The following HYDIN variants were observed in gnomAD, a reference collection of about 807,000 sequenced individuals.
HYDIN encodes the protein HYDIN axonemal central pair apparatus protein.
HYDIN carries 132 observed loss-of-function variants against 403.9 expected under a neutral mutation model. The observed-to-expected ratio is 0.33, with a 90% CI of 0.28 to 0.38. HYDIN has a LOEUF of 0.38. HYDIN is among the 10% of genes least tolerant of loss of function. The pLI is 1.00. For missense variants in HYDIN, 2,827 were observed against 5,009.5 expected (o/e 0.56, Z 13.15); for synonymous variants, 1,202 against 1,891.7 (o/e 0.64, Z 9.46).
chr16:70,961,818 C>T lies in HYDIN; in HGVS notation c.5968+141G>A, dbSNP rs866468512. ...TGTGAGTGGCAGATCAGAGCTTCTC[C>T]GGAGGGCAGCTGTGGTGGGCAGGGC... On this transcript the variant is annotated intron_variant, in intron 38 of 85. Transcript: ENST00000393567. 105 of 556,538 alleles carry T rather than the reference C, an allele frequency of 1.9e-4. 1 individual carries two copies. The South Asian group carries it at 2.5e-3, about 13-fold the overall frequency. The allele number at this position is 556,538 out of a possible 1,614,324, so 34.5% of individuals were successfully genotyped here.
chr16:71,046,633 G>A lies in HYDIN; in HGVS notation c.2529+13871C>T, dbSNP rs137954023. Reference sequence around the variant, plus strand: ...ACACTTCTTCAGTCTCTGTCCTTTCGTTTGTGACAGGGAAGAGAAAACGAA... The same window carrying A: ...ACACTTCTTCAGTCTCTGTCCTTTCATTTGTGACAGGGAAGAGAAAACGAA... On this transcript the variant is annotated intron_variant, in intron 18 of 85. Coordinates refer to ENST00000393567, the MANE Select transcript of HYDIN (RefSeq NM_001270974.2). Among the ~76,000 whole-genome samples the A allele has an allele frequency of 2.0e-4, 30 of 152,254 alleles. No individual in the cohort carries two copies. In the East Asian group the frequency reaches 2.9e-3, roughly 15 times the overall value.
At chr16:71,176,026 A>G (rs1369663455) in intron 4 of HYDIN, among the ~76,000 whole-genome samples, 1 of 151,468 alleles carries the variant, frequency 6.6e-6, no homozygotes, top group East Asian at 1.9e-4. Context: ...AGTGACTATC[A>G]GCCAGGCGCA....
intron 4 of HYDIN, among the ~76,000 whole-genome samples, chr16:71,176,786 A>G (rs944525896): frequency 4.6e-5 from 7 of 152,190 alleles, no homozygotes; most frequent in Non-Finnish European, 8.8e-5. Flanking sequence ...TTTTAACCCA[A>G]TTAAAATCAC....
intron 30 of HYDIN, among the ~76,000 whole-genome samples, chr16:70,977,834 A>C (rs1224443623): frequency 6.6e-6 from 1 of 151,274 alleles, no homozygotes; most frequent in Non-Finnish European, 1.5e-5. Flanking sequence ...CATGCTCCTG[A>C]CTTTTCCAGA....
intron 1 of HYDIN, among the ~76,000 whole-genome samples, chr16:71,229,249 T>C (rs1341563127): frequency 6.6e-6 from 1 of 152,084 alleles, no homozygotes; most frequent in Non-Finnish European, 1.5e-5. Flanking sequence ...GGCACATGTA[T>C]ACATATGTAA....
intron 23 of HYDIN, among the ~76,000 whole-genome samples, chr16:71,001,412 A>AC (rs371877766): frequency 1.6e-5 from 2 of 121,802 alleles, no homozygotes. Context: ...AAAAAAAAAA[A>AC]CACATAAAAA....
At chr16:71,042,688 A>G (rs546530668) in intron 18 of HYDIN, among the ~76,000 whole-genome samples, 2 of 152,322 alleles carry the variant, frequency 1.3e-5, no homozygotes, top group East Asian at 3.9e-4. Context: ...TGGACATCAC[A>G]TTCATCCAAA....
intron 10 of HYDIN, among the ~76,000 whole-genome samples, chr16:71,106,363 T>C (rs1382209034): frequency 1.1e-4 from 16 of 142,400 alleles, no homozygotes; most frequent in Non-Finnish European, 1.8e-4. Flanking sequence ...AGGGTCACTT[T>C]CTCTGGAAAG....
chr16:71,000,998 T>C, intron 23 of HYDIN, among the ~76,000 whole-genome samples: 1 of 149,858 alleles, frequency 6.7e-6, no homozygotes, highest in Non-Finnish European at 1.5e-5. Flanking sequence ...TGTAGTTTCA[T>C]AATAAAATCA....
chr16:71,192,509 C>T (rs763725315), intron 1 of HYDIN, among the ~76,000 whole-genome samples: 30 of 152,188 alleles, frequency 2.0e-4, no homozygotes, highest in Non-Finnish European at 3.4e-4. Flanking sequence ...TGATGCTCTA[C>T]CAGCAGTTCA....
intron 1 of HYDIN, among the ~76,000 whole-genome samples, chr16:71,225,363 T>G (rs1472610664): frequency 6.6e-6 from 1 of 152,170 alleles, no homozygotes; most frequent in Non-Finnish European, 1.5e-5. Flanking sequence ...GCCAAATTCC[T>G]TAAACTCTCA....
chr16:71,226,331 G>A (rs1458874780), intron 1 of HYDIN, among the ~76,000 whole-genome samples: 2 of 152,144 alleles, frequency 1.3e-5, no homozygotes, highest in African/African-American at 2.4e-5. Context: ...GCCAAGGTAA[G>A]TGGAGGGAGG....
intron 1 of HYDIN, among the ~76,000 whole-genome samples, chr16:71,199,487 T>C (rs372550842): frequency 2.0e-5 from 3 of 152,320 alleles, no homozygotes; most frequent in African/African-American, 4.8e-5. Flanking sequence ...CTTGAAATTT[T>C]CATGTGCTCT....
At chr16:71,213,142 G>A (rs1385563842) in intron 1 of HYDIN, among the ~76,000 whole-genome samples, 1 of 152,158 alleles carries the variant, frequency 6.6e-6, no homozygotes, top group African/African-American at 2.4e-5. Flanking sequence ...CAAACCTGGG[G>A]AATTCACCTT....
chr16:71,173,825 C>G (rs1189605454), intron 5 of HYDIN, among the ~76,000 whole-genome samples: 3 of 152,120 alleles, frequency 2.0e-5, no homozygotes, highest in African/African-American at 7.2e-5. Context: ...CTTTTTCAGT[C>G]AGATGAGGTA....
Position 70,818,429 on chromosome 16 carries a change from A to C in HYDIN, c.14571T>G (p.Pro4857=). 1 of 1,612,328 alleles carries C rather than the reference A, an allele frequency of 6.2e-7. No individual in the cohort carries two copies. Residue 4857 remains proline, a synonymous_variant, in exon 84 of 86, where the codon CCT becomes CCG. Transcript: ENST00000393567. ...VASASIKLEN[P]LPYSVTFSTE... ...TGGAGAAGGTCACCGAGTAGGGCAG[A>C]GGGTTCTCCAACTTGATGGAGGCTG...
intron 1 of HYDIN, among the ~76,000 whole-genome samples, chr16:71,209,187 T>G (rs1016514346): frequency 2.0e-5 from 3 of 149,998 alleles, no homozygotes; most frequent in African/African-American, 7.4e-5. Flanking sequence ...ATCAAAAAAC[T>G]AATCCACCAC....
At chr16:70,872,634 C>T (rs1208339426) in intron 64 of HYDIN, among the ~76,000 whole-genome samples, 1 of 143,816 alleles carries the variant, frequency 7.0e-6, no homozygotes, top group East Asian at 2.2e-4. Context: ...ATCATCCATC[C>T]ACCCTCGCAT....
intron 23 of HYDIN, among the ~76,000 whole-genome samples, chr16:71,012,640 G>A (rs182101549): frequency 1.3e-5 from 2 of 152,142 alleles, no homozygotes; most frequent in South Asian, 2.1e-4. Flanking sequence ...GTGTCTAGGC[G>A]ACCTCAGACC....
Sources: gnomAD v4.1 joint callset for allele counts (sites outside exome capture counted in the v4.1 genomes callset) on GRCh38, gnomAD v4.1.1 for gene constraint, MANE v1.5 for transcripts, NCBI Gene and HGNC (gene_info 2026-07-23, HGNC 2026-07-21) for gene names.